SH3KBP1: variants seen among roughly 807,000 people sequenced by gnomAD.
SH3KBP1 encodes the protein SH3 domain-containing kinase-binding protein 1.
SH3KBP1 carries 8 observed loss-of-function variants against 50.1 expected under a neutral mutation model. The observed-to-expected ratio is 0.16, with a 90% confidence interval of 0.09 to 0.29. The LOEUF (loss-of-function observed/expected upper bound fraction) is 0.29. SH3KBP1 is among the 10% of genes least tolerant of loss of function. The pLI, the probability that SH3KBP1 is intolerant of heterozygous loss-of-function variation, is 1.00. For synonymous variants in SH3KBP1, 227 were observed against 218.6 expected (o/e 1.04, Z -0.34); for missense variants, 377 against 535.2 (o/e 0.70, Z 2.92).
At chrX:19,741,188 G>A (rs1486438528) in intron 3 of SH3KBP1, among the ~76,000 whole-genome samples, 1 of 112,155 alleles carries the variant, frequency 8.9e-6, no homozygotes, top group Non-Finnish European at 1.9e-5. Context: ...AAACACACCA[G>A]AAATGAACCC....
chrX:19,587,782 G>C (rs1238832462), intron 12 of SH3KBP1, among the ~76,000 whole-genome samples: 1 of 112,109 alleles, frequency 8.9e-6, no homozygotes, highest in African/African-American at 3.2e-5. Context: ...TGAAGCCCAT[G>C]CAACTTTCAC....
At chrX:19,591,705 A>G (rs893846023) in intron 11 of SH3KBP1, among the ~76,000 whole-genome samples, 3 of 112,418 alleles carry the variant, frequency 2.7e-5, no homozygotes, top group Admixed American at 1.9e-4. Flanking sequence ...ACCTTGGGAC[A>G]CTAGGCATGA....
chrX:19,882,783 G>A (rs1569494792), intron 1 of SH3KBP1, among the ~76,000 whole-genome samples: 1 of 111,671 alleles, frequency 9.0e-6, no homozygotes, highest in Non-Finnish European at 1.9e-5. Flanking sequence ...GAGGGTAAAG[G>A]ATGCTGGGAA....
chrX:19,865,265 G>A, intron 1 of SH3KBP1, among the ~76,000 whole-genome samples: 1 of 112,427 alleles, frequency 8.9e-6, no homozygotes, highest in East Asian at 2.8e-4. Context: ...GGCCTTGGTG[G>A]TGTTCTTTAA....
At chrX:19,742,275 A>G (rs1449474257) in intron 3 of SH3KBP1, among the ~76,000 whole-genome samples, 1 of 108,685 alleles carries the variant, frequency 9.2e-6, no homozygotes, top group Admixed American at 9.8e-5. Flanking sequence ...TAATTGTTTT[A>G]TTTTTTTTAG....
intron 13 of SH3KBP1, among the ~76,000 whole-genome samples, chrX:19,567,659 T>G (rs749135789): frequency 9.8e-6 from 1 of 101,922 alleles, no homozygotes; most frequent in South Asian, 4.5e-4. Context: ...GTCAATATCT[T>G]AGTCATGACA....
chrX:19,799,604 A>G (rs1295021096), intron 2 of SH3KBP1: 7 of 1,194,838 alleles, frequency 5.9e-6, no homozygotes, highest in Middle Eastern at 2.3e-4. Flanking sequence ...AGACATCGCA[A>G]CAATCAAAAC....
At chrX:19,851,239 A>G (rs972190638) in intron 1 of SH3KBP1, among the ~76,000 whole-genome samples, 4 of 112,661 alleles carry the variant, frequency 3.6e-5, no homozygotes, top group Admixed American at 9.4e-5. Context: ...TAGAAGTATC[A>G]AAACAAAACA....
At chrX:19,629,455 GT>G (rs1321081021) in intron 8 of SH3KBP1, among the ~76,000 whole-genome samples, 1 of 112,077 alleles carries the variant, frequency 8.9e-6, no homozygotes, top group Non-Finnish European at 1.9e-5. Context: ...GGACACTGGA[GT>G]GGGGGGAAAC....
At chrX:19,728,820 A>C (rs1204277386) in intron 3 of SH3KBP1, among the ~76,000 whole-genome samples, 1 of 112,274 alleles carries the variant, frequency 8.9e-6, no homozygotes, top group Non-Finnish European at 1.9e-5. Flanking sequence ...ATGACCCTGA[A>C]CTGGAGAACT....
rs891301131 is a variant in SH3KBP1 at position 19,559,919 on chromosome X, T to A, written c.1384+9184A>T. Among the ~76,000 whole-genome samples the A allele has an allele frequency of 3.9e-4, 43 of 111,338 alleles. 1 individual carries two copies. The highest frequency in any genetic ancestry group is 6.4e-4 in the Non-Finnish European group (34 of 53,096). ...CATCCTACTCTTTTACATTTCCCCG[T>A]AATAACTTGGGTTAAAAAAATCAAA... On this transcript the variant is annotated intron_variant, in intron 13 of 17. Transcript: ENST00000397821.
chrX:19,618,867 G>A (rs979178463), intron 8 of SH3KBP1, among the ~76,000 whole-genome samples: 2 of 108,732 alleles, frequency 1.8e-5, no homozygotes, highest in African/African-American at 6.7e-5. Flanking sequence ...TTGGGAAGCT[G>A]AGGTAGGAGG....
At chrX:19,699,669 C>A (rs1569427130) in intron 4 of SH3KBP1, among the ~76,000 whole-genome samples, 1 of 112,431 alleles carries the variant, frequency 8.9e-6, no homozygotes, top group Non-Finnish European at 1.9e-5. Context: ...TTGCAATTTT[C>A]ATGTCTTTAC....
chrX:19,667,436 G>C (rs1453044032), intron 6 of SH3KBP1, among the ~76,000 whole-genome samples: 1 of 110,820 alleles, frequency 9.0e-6, no homozygotes, highest in African/African-American at 3.3e-5. Context: ...CCTGTCTGGG[G>C]GCAACATAGT....
intron 3 of SH3KBP1, among the ~76,000 whole-genome samples, chrX:19,713,676 A>G (rs2063832748): frequency 9.0e-6 from 1 of 111,718 alleles, no homozygotes; most frequent in African/African-American, 3.3e-5. Context: ...TTGAGTGTCC[A>G]TCACCTTGAG....
At chrX:19,628,539 A>G (rs1187393504) in intron 8 of SH3KBP1, among the ~76,000 whole-genome samples, 1 of 111,636 alleles carries the variant, frequency 9.0e-6, no homozygotes, top group Non-Finnish European at 1.9e-5. Flanking sequence ...GGCACTTGTC[A>G]TCTGAACACA....
intron 2 of SH3KBP1, among the ~76,000 whole-genome samples, chrX:19,811,488 C>T (rs1411256934): frequency 8.9e-6 from 1 of 111,988 alleles, no homozygotes; most frequent in Non-Finnish European, 1.9e-5. Context: ...CGGCAGCAGG[C>T]ATCACACTCT....
rs1395989982 is a variant in SH3KBP1 at position 19,536,291 on chromosome X, A to AG, written c.*125_*126insC. ...GTTGTGCTATCAAGACTTTTGTGCT[A>AG]ATCTTTCAAACAGGGACATTTTGAG... On this transcript the variant is annotated 3_prime_UTR_variant, in exon 18 of 18. Coordinates refer to ENST00000397821, the MANE Select transcript of SH3KBP1 (RefSeq NM_031892.3). The AG allele has an allele frequency of 4.5e-6, 2 of 446,846 alleles. No individual in the cohort carries two copies. The highest frequency in any genetic ancestry group is 7.8e-6 in the Non-Finnish European group (2 of 255,264). 36.8% of individuals were successfully genotyped at this position (446,846 alleles called of 1,213,427 possible). A position where few individuals can be genotyped will look rare whatever the true frequency, so the allele number is the denominator to read the frequency against.
At chrX:19,765,619 G>A (rs975784661) in intron 2 of SH3KBP1, among the ~76,000 whole-genome samples, 5 of 111,737 alleles carry the variant, frequency 4.5e-5, no homozygotes, top group Non-Finnish European at 9.4e-5. Context: ...ACACAGTTCA[G>A]TAGTGTTAAG....
Sources: allele counts gnomAD v4.1 joint callset (sites outside exome capture counted in the v4.1 genomes callset), GRCh38; gene constraint gnomAD v4.1.1; transcripts MANE v1.5; gene names NCBI Gene and HGNC (gene_info 2026-07-23, HGNC 2026-07-21).